Variants in ARHGAP15 observed in about 807,000 individuals in gnomAD.
The protein encoded by ARHGAP15 is Rho GTPase activating protein 15.
A neutral mutation model predicts 63.7 loss-of-function variants in ARHGAP15; 51 were observed. The ratio of observed to expected loss-of-function variants is 0.80; its 90% CI spans 0.64 to 1.01. The LOEUF (loss-of-function observed/expected upper bound fraction) is 1.01. ARHGAP15 is among the 50% of genes least tolerant of loss of function. The pLI, the probability that ARHGAP15 is intolerant of heterozygous loss-of-function variation, is 0.00. For synonymous variants in ARHGAP15, 191 were observed against 193.8 expected (o/e 0.99, Z 0.12); for missense variants, 560 against 564.6 (o/e 0.99, Z 0.08).
intron 13 of ARHGAP15, among the ~76,000 whole-genome samples, chr2:143,739,488 C>T (rs181170988): frequency 9.2e-5 from 14 of 152,244 alleles, no homozygotes; most frequent in African/African-American, 1.4e-4. Flanking sequence ...CAAGAAATAG[C>T]GCCCAGAGTC....
At chr2:143,624,086 T>C in intron 11 of ARHGAP15, 47 bp from the exon 12 acceptor site, 2 of 1,603,734 alleles carry the variant, frequency 1.2e-6, no homozygotes, top group Non-Finnish European at 1.7e-6. Flanking sequence ...TGTCTTGTAA[T>C]TGTTTCATTA....
chr2:143,490,544 A>G (rs1472817242), intron 9 of ARHGAP15, among the ~76,000 whole-genome samples: 1 of 152,190 alleles, frequency 6.6e-6, no homozygotes, highest in Non-Finnish European at 1.5e-5. Flanking sequence ...CCTGTTTTAT[A>G]TGTGGTTTCA....
intron 11 of ARHGAP15, among the ~76,000 whole-genome samples, chr2:143,588,740 C>G (rs986111062): frequency 6.6e-6 from 1 of 152,136 alleles, no homozygotes; most frequent in Non-Finnish European, 1.5e-5. Flanking sequence ...TCTGGGCATG[C>G]CCACCAGGAA....
chr2:143,143,066 AC>A (rs1689435244), intron 1 of ARHGAP15, among the ~76,000 whole-genome samples: 1 of 152,150 alleles, frequency 6.6e-6, no homozygotes, highest in South Asian at 2.1e-4. Flanking sequence ...AATTCAAATT[AC>A]AGTAGCACTC....
chr2:143,257,336 A>C (rs1355089261), intron 6 of ARHGAP15, among the ~76,000 whole-genome samples: 2 of 152,150 alleles, frequency 1.3e-5, no homozygotes, highest in Non-Finnish European at 2.9e-5. Context: ...AGTGAAGGGA[A>C]CCAAAATTTT....
At chr2:143,333,075 A>G (rs938883321) in intron 6 of ARHGAP15, among the ~76,000 whole-genome samples, 1 of 152,152 alleles carries the variant, frequency 6.6e-6, no homozygotes, top group Non-Finnish European at 1.5e-5. Flanking sequence ...CTGACCAGAC[A>G]TATTCTATAT....
intron 13 of ARHGAP15, among the ~76,000 whole-genome samples, chr2:143,765,466 A>C (rs979363729): frequency 6.6e-6 from 1 of 152,164 alleles, no homozygotes; most frequent in African/African-American, 2.4e-5. Flanking sequence ...TCACACTCTA[A>C]AAATATGAGG....
intron 2 of ARHGAP15, among the ~76,000 whole-genome samples, chr2:143,177,818 G>A (rs1691066984): frequency 6.6e-6 from 1 of 152,034 alleles, no homozygotes; most frequent in Non-Finnish European, 1.5e-5. Flanking sequence ...AAAGACATTT[G>A]CAAAAACACA....
At chr2:143,431,636 A>G (rs1345380693) in intron 6 of ARHGAP15, among the ~76,000 whole-genome samples, 1 of 152,060 alleles carries the variant, frequency 6.6e-6, no homozygotes, top group Non-Finnish European at 1.5e-5. Flanking sequence ...TGCTGCTCAC[A>G]TTGGGACTCA....
intron 8 of ARHGAP15, among the ~76,000 whole-genome samples, chr2:143,469,983 A>G (rs748482652): frequency 8.6e-5 from 13 of 151,244 alleles, no homozygotes; most frequent in Admixed American, 1.3e-4. Flanking sequence ...CTCTCTCTCC[A>G]TAATTGTCAG....
intron 11 of ARHGAP15, among the ~76,000 whole-genome samples, chr2:143,596,463 T>A (rs1056379487): frequency 1.3e-5 from 2 of 152,216 alleles, no homozygotes; most frequent in Admixed American, 1.3e-4. Flanking sequence ...GAGTTGCAAC[T>A]CATAGTCTGC....
intron 11 of ARHGAP15, among the ~76,000 whole-genome samples, chr2:143,598,432 AG>A (rs975626380): frequency 3.3e-5 from 5 of 152,190 alleles, no homozygotes; most frequent in East Asian, 1.9e-4. Context: ...TAAAATTCCG[AG>A]GCCATCATGC....
chr2:143,729,989 T>A (rs2105481748), intron 13 of ARHGAP15, among the ~76,000 whole-genome samples: 1 of 152,162 alleles, frequency 6.6e-6, no homozygotes, highest in East Asian at 1.9e-4. Flanking sequence ...CCTAAAGGTA[T>A]TAATAGAGGT....
Position 143,768,330 on chromosome 2 carries a change from T to C in ARHGAP15, c.*158T>C. On this transcript the variant is annotated 3_prime_UTR_variant, in exon 14 of 14. Transcript: ENST00000295095. ...TGATTTTGTGTTTAAGTTCCAAACA[T>C]TTGAATAAAATAATTGACAATATTT... is the stretch of plus-strand genomic sequence containing the variant. The C allele has an allele frequency of 1.4e-6, 1 of 725,742 alleles. No individual in the cohort carries two copies. Among genetic ancestry groups the C allele is most frequent in the Non-Finnish European group, 2.2e-6 (1 of 448,506 alleles). The allele number at this position is 725,742 out of a possible 1,614,324, so 45.0% of individuals were successfully genotyped here. A position where few individuals can be genotyped will look rare whatever the true frequency, so the allele number is the denominator to read the frequency against.
Position 143,765,084 on chromosome 2 carries a change from C to G in ARHGAP15, c.1245-2905C>G, listed in dbSNP as rs1033608486. 2.0e-5 allele frequency among the ~76,000 whole-genome samples: 3 copies of G among 150,074 alleles called. No individual in the cohort carries two copies. In the East Asian group the frequency reaches 5.9e-4, roughly 30 times the overall value. On this transcript the variant is annotated intron_variant, in intron 13 of 13. Coordinates refer to ENST00000295095, the MANE Select transcript of ARHGAP15 (RefSeq NM_018460.4). Reference sequence around the variant, plus strand: ...GTACTCAATTGATTATTTATCTTATCTATCTCCATATTTGCCTCTAAAATA... The same window carrying G: ...GTACTCAATTGATTATTTATCTTATGTATCTCCATATTTGCCTCTAAAATA...
chr2:143,349,200 A>C (rs1292218839), intron 6 of ARHGAP15, among the ~76,000 whole-genome samples: 1 of 152,218 alleles, frequency 6.6e-6, no homozygotes, highest in Non-Finnish European at 1.5e-5. Flanking sequence ...AAAGCTAGCC[A>C]ATAAAAATGT....
intron 6 of ARHGAP15, among the ~76,000 whole-genome samples, chr2:143,290,585 T>C (rs1682344919): frequency 1.3e-5 from 2 of 152,140 alleles, no homozygotes; most frequent in Admixed American, 6.6e-5. Context: ...TTTTTAACAT[T>C]ACACATGACG....
At chr2:143,130,962 A>T (rs1688893193) in intron 1 of ARHGAP15, among the ~76,000 whole-genome samples, 1 of 152,170 alleles carries the variant, frequency 6.6e-6, no homozygotes, top group Non-Finnish European at 1.5e-5. Context: ...AAGAATATCA[A>T]ATGAATAAAC....
rs552853092 is a variant in ARHGAP15, at chr2:143,359,320, AGCTGACAAAAT to A, written c.475-76277_475-76267del. ...CATCTTGCAACATCTACATTTCTCA[AGCTGACAAAAT>A]GCTACCAATACCCTATTTGTGTTTA... On this transcript the variant is annotated intron_variant, in intron 6 of 13. Transcript: ENST00000295095. 2.7e-4 allele frequency among the ~76,000 whole-genome samples: 41 copies of A among 152,286 alleles called. 1 individual carries two copies. In the South Asian group the frequency reaches 4.4e-3, roughly 16 times the overall value.
Sources: allele counts gnomAD v4.1 joint callset (sites outside exome capture counted in the v4.1 genomes callset), GRCh38; gene constraint gnomAD v4.1.1; transcripts MANE v1.5; gene names NCBI Gene and HGNC (gene_info 2026-07-23, HGNC 2026-07-21).